Variants in NRXN3 observed in about 807,000 individuals in gnomAD.
The protein encoded by NRXN3 is neurexin 3.
A neutral mutation model predicts 137.6 loss-of-function variants in NRXN3; 32 were observed. The observed-to-expected ratio is 0.23, with a 90% CI of 0.18 to 0.31. NRXN3 has a LOEUF of 0.31. Ranked by LOEUF, NRXN3 falls within the 10% of genes least tolerant of loss-of-function variation. The probability of loss-of-function intolerance (pLI) is 1.00; values close to 1 mark genes in which losing one functional copy is unlikely to be tolerated. For missense variants in NRXN3, 1,574 were observed against 2,062.5 expected (o/e 0.76, Z 4.59); for synonymous variants, 798 against 784.5 (o/e 1.02, Z -0.29).
intron 8 of NRXN3, among the ~76,000 whole-genome samples, chr14:78,720,967 T>G (rs2098457049): frequency 6.6e-6 from 1 of 152,088 alleles, no homozygotes; most frequent in African/African-American, 2.4e-5. Flanking sequence ...AGGATATACA[T>G]TTATATTAAG....
intron 6 of NRXN3, among the ~76,000 whole-genome samples, chr14:78,705,381 G>A (rs956452004): frequency 2.0e-5 from 3 of 152,186 alleles, no homozygotes; most frequent in African/African-American, 7.2e-5. Context: ...CTGCGTGGCT[G>A]TGGCTGTGGT....
chr14:78,394,452 A>G (rs1184578972), intron 4 of NRXN3, among the ~76,000 whole-genome samples: 1 of 151,842 alleles, frequency 6.6e-6, no homozygotes, highest in Non-Finnish European at 1.5e-5. Flanking sequence ...AATTCTTTGT[A>G]TATATTGTTA....
At chr14:78,210,732 CT>C (rs1401256107) in intron 1 of NRXN3, among the ~76,000 whole-genome samples, 1 of 152,046 alleles carries the variant, frequency 6.6e-6, no homozygotes, top group Non-Finnish European at 1.5e-5. Context: ...TATTTATGGA[CT>C]TTTCTGTTTC....
At chr14:78,729,344 C>T (rs1200283252) in intron 8 of NRXN3, among the ~76,000 whole-genome samples, 1 of 152,130 alleles carries the variant, frequency 6.6e-6, no homozygotes, top group Non-Finnish European at 1.5e-5. Flanking sequence ...GGATTAGGTA[C>T]TGTGGGAGGG....
chr14:79,228,464 A>T lies in NRXN3; in HGVS notation c.3263-238757A>T, dbSNP rs1447066770. On this transcript the variant is annotated intron_variant, in intron 15 of 20. Coordinates refer to ENST00000335750, the MANE Select transcript of NRXN3 (RefSeq NM_001330195.2). ...AAATGCAACAGATGTTGCAATGCCA[A>T]TCAGATACTTGACTAAGACAAAAGT... Among the ~76,000 whole-genome samples the T allele has an allele frequency of 5.3e-5, 8 of 152,322 alleles. No individual in the cohort carries two copies. The South Asian group carries it at 1.2e-3, about 24-fold the overall frequency.
intron 16 of NRXN3, among the ~76,000 whole-genome samples, chr14:79,634,341 A>T (rs2098386531): frequency 6.6e-6 from 1 of 152,194 alleles, no homozygotes; most frequent in Non-Finnish European, 1.5e-5. Context: ...AGACAGAGAG[A>T]TGGCTCTTGC....
chr14:79,541,360 T>C (rs1834245), intron 16 of NRXN3, among the ~76,000 whole-genome samples: 140,678 of 152,186 alleles, frequency 0.92, 65,044 homozygotes, highest in South Asian at 0.95. Flanking sequence ...GCCAAGATTG[T>C]GCCATTGCAC....
chr14:78,523,816 CAAAAAAAAAA>C (rs56083130), intron 4 of NRXN3, among the ~76,000 whole-genome samples: 2,986 of 61,534 alleles, frequency 0.049, 81 homozygotes, highest in Non-Finnish European at 0.059. Flanking sequence ...GACTCTGTCT[CAAAAAAAAAA>C]AAAAAAAAAA....
intron 15 of NRXN3, among the ~76,000 whole-genome samples, chr14:79,408,156 A>G (rs548366177): frequency 4.0e-4 from 61 of 152,114 alleles, no homozygotes; most frequent in Non-Finnish European, 7.9e-4. Context: ...TGTGCCCGGC[A>G]TGTAAGGAGT....
chr14:78,298,697 G>T (rs2076597874), intron 4 of NRXN3, among the ~76,000 whole-genome samples: 1 of 152,166 alleles, frequency 6.6e-6, no homozygotes. Context: ...TTTCTTCTGA[G>T]CCTTGGGATG....
Position 78,797,233 on chromosome 14 carries a change from A to C in NRXN3, c.2045-6387A>C, listed in dbSNP as rs2098824603. On this transcript the variant is annotated intron_variant, in intron 8 of 20. Coordinates refer to ENST00000335750, the MANE Select transcript of NRXN3 (RefSeq NM_001330195.2). ...AATCACTAAATAAATGAACATATGAACAAACAATTAGAAATAAACCTAGAG... is the reference window on the plus strand; with the variant it reads ...AATCACTAAATAAATGAACATATGACCAAACAATTAGAAATAAACCTAGAG... 2.6e-5 allele frequency among the ~76,000 whole-genome samples: 4 copies of C among 152,354 alleles called. No homozygotes were observed. The South Asian group carries it at 8.3e-4, about 32-fold the overall frequency.
At chr14:78,943,625 TA>T (rs2099359057) in intron 10 of NRXN3, among the ~76,000 whole-genome samples, 1 of 11,070 alleles carries the variant, frequency 9.0e-5, no homozygotes, top group Non-Finnish European at 1.8e-4. Context: ...AAAAAAAATA[TA>T]TATATATATA....
At chr14:79,577,015 G>A (rs2097671168) in intron 16 of NRXN3, among the ~76,000 whole-genome samples, 1 of 152,098 alleles carries the variant, frequency 6.6e-6, no homozygotes. Context: ...CCAGGTGGAG[G>A]TAATAGGATC....
In NRXN3 at chr14:79,759,676, C is replaced by T. The variant is rs2052205; in HGVS notation, c.4015-45436C>T. On this transcript the variant is annotated intron_variant, in intron 19 of 20. Transcript: ENST00000335750. ...TAAACTGTTACTTCAAAGCAAATATCTGCTATTCCTGACATAAAGTTTTTA... is the reference window on the plus strand; with the variant it reads ...TAAACTGTTACTTCAAAGCAAATATTTGCTATTCCTGACATAAAGTTTTTA... 1.5e-3 allele frequency among the ~76,000 whole-genome samples: 225 copies of T among 151,656 alleles called. 10 individuals carry two copies. In the South Asian group the frequency reaches 0.042, roughly 28 times the overall value.
At chr14:78,765,553 A>G (rs2098706179) in intron 8 of NRXN3, among the ~76,000 whole-genome samples, 1 of 152,150 alleles carries the variant, frequency 6.6e-6, no homozygotes, top group South Asian at 2.1e-4. Context: ...TTGTTCTTGA[A>G]TGAACTCCAT....
At chr14:79,298,833 A>C in intron 15 of NRXN3, 1 of 152,246 alleles carries the variant, frequency 6.6e-6, no homozygotes, top group Admixed American at 6.5e-5. Flanking sequence ...TGCTACACTA[A>C]AGAAGAGTTC....
chr14:78,738,729 A>C (rs1029144811), intron 8 of NRXN3, among the ~76,000 whole-genome samples: 1 of 152,102 alleles, frequency 6.6e-6, no homozygotes, highest in African/African-American at 2.4e-5. Context: ...CTTTTGTTTT[A>C]TCTATTTTAT....
At chr14:78,306,889 A>C (rs965057131) in intron 4 of NRXN3, among the ~76,000 whole-genome samples, 1 of 152,192 alleles carries the variant, frequency 6.6e-6, no homozygotes, top group Non-Finnish European at 1.5e-5. Context: ...GCTCACAGTC[A>C]ATGGGAGTTT....
At chr14:78,671,884 A>G (rs2097939821) in intron 6 of NRXN3, among the ~76,000 whole-genome samples, 1 of 152,252 alleles carries the variant, frequency 6.6e-6, no homozygotes, top group African/African-American at 2.4e-5. Context: ...ACACCAAAGA[A>G]TATTGGGAGA....
Sources: gnomAD v4.1 joint callset for allele counts (sites outside exome capture counted in the v4.1 genomes callset) on GRCh38, gnomAD v4.1.1 for gene constraint, MANE v1.5 for transcripts, NCBI Gene and HGNC (gene_info 2026-07-23, HGNC 2026-07-21) for gene names.